PKD1L1: variants seen among roughly 807,000 people sequenced by gnomAD.
The protein encoded by PKD1L1 is polycystin 1 like 1, transient receptor potential channel interacting, also known as polycystin-1-like protein 1.
In PKD1L1, 236 loss-of-function variants were observed where a neutral mutation model predicts 323.4. The ratio of observed to expected loss-of-function variants is 0.73; its 90% CI spans 0.66 to 0.81. The LOEUF is 0.81. Among genes scored for constraint, PKD1L1 ranks in the 40% least tolerant of loss-of-function variants. PKD1L1 has a pLI of 0.00. For synonymous variants in PKD1L1, 1,344 were observed against 1,335.0 expected (o/e 1.01, Z -0.15); for missense variants, 3,320 against 3,508.0 (o/e 0.95, Z 1.35).
chr7:47,900,145 G>T (rs904643815), intron 13 of PKD1L1, among the ~76,000 whole-genome samples: 4 of 151,928 alleles, frequency 2.6e-5, no homozygotes, highest in African/African-American at 9.7e-5. Context: ...TCTAAGATTT[G>T]TCACAAAACT....
the PKD1L1 span, among the ~76,000 whole-genome samples, chr7:47,960,114 G>T: frequency 1.3e-5 from 2 of 151,366 alleles, no homozygotes; most frequent in Admixed American, 1.3e-4. Flanking sequence ...TCCACTCAGG[G>T]TTAAATGGAT....
intron 54 of PKD1L1, among the ~76,000 whole-genome samples, chr7:47,798,767 C>CA (rs1201234414): frequency 0.014 from 1,395 of 102,678 alleles, 37 homozygotes; most frequent in African/African-American, 0.043. Flanking sequence ...AAAAAAAAAA[C>CA]AAAAAAACCA....
Position 47,857,831 on chromosome 7 carries a change from C to T in PKD1L1, c.4364G>A (p.Gly1455Asp). 1.2e-6 allele frequency: 2 copies of T among 1,613,812 alleles called. No individual in the cohort carries two copies. The highest frequency in any genetic ancestry group is 4.5e-5 in the East Asian group (2 of 44,876). ...GITVISDLLL[G>D]CLSLNHVSTG... ...GCTAACATGGTTCAAAGAGAGACAA[C>T]CCTGAAACATAGAGCATAGGGAGTG... The change falls in exon 28 of 57, where the codon GGT becomes GAT. Residue 1455 changes from glycine (G) to aspartate (D), a missense_variant and splice_region_variant. By Grantham distance (94) the Gly-to-Asp change is moderately conservative. Coordinates refer to ENST00000289672, the MANE Select transcript of PKD1L1 (RefSeq NM_138295.5).
intron 26 of PKD1L1, among the ~76,000 whole-genome samples, chr7:47,859,439 C>T (rs935062867): frequency 2.0e-5 from 3 of 152,068 alleles, no homozygotes; most frequent in African/African-American, 4.8e-5. Context: ...TCCAATCCTG[C>T]TTTTCTCTCT....
At chr7:47,790,582 C>T (rs188222997) in intron 56 of PKD1L1, among the ~76,000 whole-genome samples, 8 of 151,518 alleles carry the variant, frequency 5.3e-5, no homozygotes, top group African/African-American at 1.5e-4. Flanking sequence ...CCGCCCACCT[C>T]GGCCTCCCAA....
At chr7:47,949,367 T>TAAAAAAAAAA, upstream of PKD1L1, among the ~76,000 whole-genome samples, 1 of 9,734 alleles carries the variant, frequency 1.0e-4, no homozygotes, top group Non-Finnish European at 1.7e-4. Flanking sequence ...AGGCTCTGTC[T>TAAAAAAAAAA]CAAAAAAAAA....
At chr7:47,784,133 A>G (rs992952004) in intron 56 of PKD1L1, among the ~76,000 whole-genome samples, 10 of 152,240 alleles carry the variant, frequency 6.6e-5, no homozygotes, top group African/African-American at 2.4e-4. Context: ...CCAGGAAGGA[A>G]TGAATCAGCA....
intron 13 of PKD1L1, among the ~76,000 whole-genome samples, chr7:47,902,018 A>AGAAAG (rs1324116284): frequency 1.2e-3 from 186 of 150,392 alleles, no homozygotes; most frequent in African/African-American, 4.1e-3. Flanking sequence ...ATCCAAAAAA[A>AGAAAG]GAAAGGAAAG....
intron 56 of PKD1L1, among the ~76,000 whole-genome samples, chr7:47,781,023 A>G (rs1266350792): frequency 6.6e-6 from 1 of 152,168 alleles, no homozygotes; most frequent in Non-Finnish European, 1.5e-5. Context: ...CCCATCAGTA[A>G]TGTATGAGTG....
the PKD1L1 span, among the ~76,000 whole-genome samples, chr7:47,954,019 A>C: frequency 1.3e-5 from 2 of 152,228 alleles, no homozygotes; most frequent in South Asian, 2.1e-4. Flanking sequence ...TGAAACTAGT[A>C]TGGTAAAAAG....
intron 23 of PKD1L1, 131 bp downstream of exon 23, chr7:47,875,966 A>T: frequency 1.1e-6 from 1 of 932,270 alleles, no homozygotes; most frequent in Non-Finnish European, 1.5e-6. Context: ...TAATAAACCT[A>T]AACTGAAAAG....
Position 47,774,894 on chromosome 7 carries a change from G to T in PKD1L1, c.*249C>A. On this transcript the variant is annotated 3_prime_UTR_variant, in exon 57 of 57. Transcript: ENST00000289672. ...TGGCAAATTAACCATTTGGGAGAAG[G>T]CTGGAGTTAGAATCTTGTCCCACAT... is the stretch of plus-strand genomic sequence containing the variant. 1 of 427,920 alleles carries T rather than the reference G, an allele frequency of 2.3e-6. No homozygotes were observed. The highest frequency in any genetic ancestry group is 4.2e-6 in the Non-Finnish European group (1 of 239,508). The allele number at this position is 427,920 out of a possible 1,614,324, so 26.5% of individuals were successfully genotyped here.
At chr7:47,939,835 G>A (rs1317950203) in intron 3 of PKD1L1, among the ~76,000 whole-genome samples, 4 of 151,310 alleles carry the variant, frequency 2.6e-5, no homozygotes, top group Non-Finnish European at 5.9e-5. Context: ...TTGAGGGGCA[G>A]CCCCCACTCC....
intron 31 of PKD1L1, among the ~76,000 whole-genome samples, chr7:47,852,669 C>T (rs1785808105): frequency 6.6e-6 from 1 of 152,120 alleles, no homozygotes; most frequent in South Asian, 2.1e-4. Context: ...GAGCCCCAAA[C>T]TTCACACTCT....
chr7:47,837,152 A>G, intron 36 of PKD1L1, 58 bp from the exon 37 acceptor site: 2 of 1,576,236 alleles, frequency 1.3e-6, no homozygotes, highest in Non-Finnish European at 1.7e-6. Flanking sequence ...TCAGCAAAGC[A>G]AAGTACTGTT....
upstream of PKD1L1, among the ~76,000 whole-genome samples, chr7:47,952,818 C>T (rs1164278990): frequency 6.6e-6 from 1 of 152,146 alleles, no homozygotes; most frequent in Non-Finnish European, 1.5e-5. Flanking sequence ...ATTTGCTATA[C>T]CTGGGACTAA....
intron 46 of PKD1L1, among the ~76,000 whole-genome samples, chr7:47,820,578 T>C (rs1437204141): frequency 1.3e-5 from 2 of 152,116 alleles, no homozygotes; most frequent in Admixed American, 1.3e-4. Flanking sequence ...TACAAAAAAA[T>C]TAGCCAAGCG....
At chr7:47,948,548 G>A (rs1583699027), upstream of PKD1L1, 5 of 1,105,914 alleles carry the variant, frequency 4.5e-6, 1 homozygote, top group Admixed American at 9.2e-5. Flanking sequence ...CTGTACTTGT[G>A]ACCTCTTATC....
At chr7:47,823,376 C>T (rs1178351928) in intron 45 of PKD1L1, among the ~76,000 whole-genome samples, 1 of 152,134 alleles carries the variant, frequency 6.6e-6, no homozygotes, top group Non-Finnish European at 1.5e-5. Context: ...TGGTGAATTA[C>T]ATTAATTACT....
Sources: gnomAD v4.1 joint callset for allele counts (sites outside exome capture counted in the v4.1 genomes callset) on GRCh38, gnomAD v4.1.1 for gene constraint, MANE v1.5 for transcripts, NCBI Gene and HGNC (gene_info 2026-07-23, HGNC 2026-07-21) for gene names.